Variants in CASD1 observed in about 807,000 individuals in gnomAD.
The protein encoded by CASD1 is N-acetylneuraminate (7)9-O-acetyltransferase.
Under a neutral mutation model 100.0 loss-of-function variants are expected in CASD1, and 41 were observed. The ratio of observed to expected loss-of-function variants is 0.41; its 90% confidence interval spans 0.32 to 0.53. The LOEUF is 0.53. Among genes scored for constraint, CASD1 ranks in the 20% least tolerant of loss-of-function variants. The probability of loss-of-function intolerance (pLI) is 0.25; values close to 1 mark genes in which losing one functional copy is unlikely to be tolerated. For synonymous variants in CASD1, 321 were observed against 315.6 expected (o/e 1.02, Z -0.18); for missense variants, 774 against 948.7 (o/e 0.82, Z 2.42).
rs1429623367 is a variant in CASD1 at position 94,556,011 on chromosome 7, C to T, written c.*253C>T. The T allele has an allele frequency of 1.3e-5, 4 of 307,918 alleles. No homozygotes were observed. Among genetic ancestry groups the T allele is most frequent in the Non-Finnish European group, 2.4e-5 (4 of 168,752 alleles). 19.1% of individuals were successfully genotyped at this position (307,918 alleles called of 1,614,324 possible). On this transcript the variant is annotated 3_prime_UTR_variant, in exon 18 of 18. Transcript: ENST00000297273. Reference sequence around the variant, plus strand: ...TATAGGATTGCATGTGAAGTCTTTTCTACTGAATCTATATTTCCATTTGTA... The same window carrying T: ...TATAGGATTGCATGTGAAGTCTTTTTTACTGAATCTATATTTCCATTTGTA...
rs1373594835 is a variant in CASD1, at chr7:94,556,700, A to G, written c.*942A>G. ...TGTAGTAAACATGCAAGTTGTTACG[A>G]TTGAGCTGTATTACCATAAGTAGAA... On this transcript the variant is annotated 3_prime_UTR_variant, in exon 18 of 18. Transcript: ENST00000297273. 6 of 152,014 alleles carry G rather than the reference A, an allele frequency of 3.9e-5. No individual in the cohort carries two copies. Among genetic ancestry groups the G allele is most frequent in the African/African-American group, 1.4e-4 (6 of 41,428 alleles). The allele number at this position is 152,014 out of a possible 1,614,324, so 9.4% of individuals were successfully genotyped here.
chr7:94,597,498 A>G, the CASD1 span: 1 of 152,172 alleles, frequency 6.6e-6, no homozygotes, highest in African/African-American at 2.4e-5. Context: ...GTTCCCAGGT[A>G]AATGTGTTCA....
the CASD1 span, chr7:94,588,634 CT>C: frequency 6.4e-6 from 10 of 1,558,932 alleles, no homozygotes; most frequent in South Asian, 7.9e-5. Context: ...CCATAATTAT[CT>C]TTTAATCTAT....
the CASD1 span, among the ~76,000 whole-genome samples, chr7:94,595,478 T>C: frequency 2.0e-5 from 3 of 152,132 alleles, no homozygotes; most frequent in Admixed American, 6.6e-5. Context: ...TCAGTACACT[T>C]AGTATGAATG....
the CASD1 span, among the ~76,000 whole-genome samples, chr7:94,593,427 G>A: frequency 6.6e-6 from 1 of 151,954 alleles, no homozygotes; most frequent in African/African-American, 2.4e-5. Context: ...ATTGATGTTG[G>A]CATAAGAAAA....
chr7:94,563,402 A>AT, the CASD1 span, among the ~76,000 whole-genome samples: 1 of 152,172 alleles, frequency 6.6e-6, no homozygotes, highest in Admixed American at 6.5e-5. Flanking sequence ...GGTTTGGTCA[A>AT]TTAGAGAATG....
chr7:94,514,542 G>T (rs1793878431), intron 1 of CASD1, among the ~76,000 whole-genome samples: 1 of 152,072 alleles, frequency 6.6e-6, no homozygotes, highest in Non-Finnish European at 1.5e-5. Flanking sequence ...GTTTATATGG[G>T]CCATCAGATG....
chr7:94,630,009 G>T, the CASD1 span: 1 of 709,268 alleles, frequency 1.4e-6, no homozygotes, highest in Non-Finnish European at 2.2e-6. Flanking sequence ...TTAAATGGAA[G>T]TGATTTCAGG....
chr7:94,629,413 A>G, the CASD1 span: 1 of 291,090 alleles, frequency 3.4e-6, no homozygotes, highest in Non-Finnish European at 6.6e-6. Context: ...CTAGGTCTTA[A>G]TATAGAAAAT....
At chr7:94,519,499 G>A (rs1212378465) in intron 3 of CASD1, among the ~76,000 whole-genome samples, 3 of 152,092 alleles carry the variant, frequency 2.0e-5, no homozygotes, top group Non-Finnish European at 4.4e-5. Flanking sequence ...TATTCCATGT[G>A]AGAATGAGAA....
chr7:94,551,459 T>C lies in CASD1; in HGVS notation c.1937T>C (p.Ile646Thr). 1 of 1,486,624 alleles carries C rather than the reference T, an allele frequency of 6.7e-7. No individual in the cohort carries two copies. The highest frequency in any genetic ancestry group is 1.4e-5 in the South Asian group (1 of 69,958). 92.1% of individuals were successfully genotyped at this position (1,486,624 alleles called of 1,614,324 possible). A position where few individuals can be genotyped will look rare whatever the true frequency, so the allele number is the denominator to read the frequency against. The change falls in exon 15 of 18, where the codon ATT becomes ACT. Residue 646 changes from isoleucine to threonine, a missense_variant. This residue lies in a region of CASD1 where 175 missense variants were observed against 206.9 expected (regional missense o/e 0.85). Coordinates refer to ENST00000297273, the MANE Select transcript of CASD1 (RefSeq NM_022900.5). ...AAAATTTCAAATTTTCTGTTGTTTA[T>C]TTCAGTAGTTTCTTTCTTGGTAAGT... ...SNKISNFLLF[I>T]SVVSFLTYSI...
chr7:94,559,302 G>GTGTGTGTA (rs1346951750), downstream of CASD1, among the ~76,000 whole-genome samples: 6 of 138,172 alleles, frequency 4.3e-5, no homozygotes, highest in African/African-American at 1.5e-4. Context: ...GTGTGTGTGT[G>GTGTGTGTA]TGTATGTGTG....
chr7:94,545,880 G>A (rs537847297), intron 12 of CASD1, among the ~76,000 whole-genome samples, 179 bp downstream of exon 12: 19 of 152,090 alleles, frequency 1.2e-4, no homozygotes, highest in Admixed American at 1.2e-3. Flanking sequence ...CAGCTAAGTA[G>A]TTAAAGTAAT....
chr7:94,544,687 G>A (rs1022627491), intron 11 of CASD1, among the ~76,000 whole-genome samples, 157 bp downstream of exon 11: 2 of 151,992 alleles, frequency 1.3e-5, no homozygotes, highest in Non-Finnish European at 2.9e-5. Flanking sequence ...TCTGTGTTTA[G>A]TATTTCAAGA....
chr7:94,631,710 G>A, the CASD1 span, among the ~76,000 whole-genome samples: 1 of 151,784 alleles, frequency 6.6e-6, no homozygotes, highest in African/African-American at 2.4e-5. Flanking sequence ...TTTAAGGTAG[G>A]GGGAGGCAAA....
At chr7:94,593,340 TGGA>T in the CASD1 span, among the ~76,000 whole-genome samples, 1 of 151,958 alleles carries the variant, frequency 6.6e-6, no homozygotes, top group African/African-American at 2.4e-5. Flanking sequence ...GAAAAATGTG[TGGA>T]GTACTATTCC....
chr7:94,592,499 T>C, the CASD1 span, among the ~76,000 whole-genome samples: 15 of 152,196 alleles, frequency 9.9e-5, no homozygotes, highest in Non-Finnish European at 2.1e-4. Context: ...AACTGCATTA[T>C]GTAGAAATTT....
At chr7:94,623,282 A>G in the CASD1 span, 1 of 1,229,154 alleles carries the variant, frequency 8.1e-7, no homozygotes, top group South Asian at 1.3e-5. Context: ...ATAATGAAAT[A>G]CTTCTTATAA....
the CASD1 span, chr7:94,599,994 T>C: frequency 3.4e-4 from 113 of 331,468 alleles, no homozygotes; most frequent in African/African-American, 2.2e-3. Flanking sequence ...CATAATGAAA[T>C]CAAGCTACAT....
Sources: gnomAD v4.1 joint callset for allele counts (sites outside exome capture counted in the v4.1 genomes callset) on GRCh38, gnomAD v4.1.1 for gene constraint, gnomAD v4.1.1 regional missense constraint, MANE v1.5 for transcripts, NCBI Gene and HGNC (gene_info 2026-07-23, HGNC 2026-07-21) for gene names.